Variants in C7orf78 observed in about 807,000 individuals in gnomAD.
C7orf78 encodes putative uncharacterized protein C7orf78.
chr7:12,501,032 A>C, the C7orf78 span, among the ~76,000 whole-genome samples: 25 of 151,592 alleles, frequency 1.6e-4, no homozygotes, highest in African/African-American at 4.9e-4. Flanking sequence ...ATTCAACAAC[A>C]CTTCATGCTA....
chr7:12,499,830 G>T, the C7orf78 span, among the ~76,000 whole-genome samples: 1 of 148,864 alleles, frequency 6.7e-6, no homozygotes, highest in African/African-American at 2.5e-5. Flanking sequence ...ATACTTGGAA[G>T]TAAAGCTCTC....
At chr7:12,498,294 G>A in the C7orf78 span, among the ~76,000 whole-genome samples, 2 of 151,862 alleles carry the variant, frequency 1.3e-5, no homozygotes, top group Admixed American at 1.3e-4. Context: ...CTGAGCTACG[G>A]GTGGACATTC....
At chr7:12,507,585 G>A in the C7orf78 span, 1 of 153,492 alleles carries the variant, frequency 6.5e-6, no homozygotes, top group Non-Finnish European at 1.5e-5. Context: ...ATAAGCGTAG[G>A]TTTTGATGTT....
At chr7:12,524,804 C>A in the C7orf78 span, among the ~76,000 whole-genome samples, 1 of 152,152 alleles carries the variant, frequency 6.6e-6, no homozygotes, top group Non-Finnish European at 1.5e-5. Flanking sequence ...GATCTCACCA[C>A]TGCACTCCAT....
the C7orf78 span, among the ~76,000 whole-genome samples, chr7:12,514,011 GA>G: frequency 6.6e-6 from 1 of 150,492 alleles, no homozygotes; most frequent in East Asian, 1.9e-4. Flanking sequence ...AAAGAAAAAA[GA>G]AAAAAAAAGT....
At chr7:12,494,689 T>C in the C7orf78 span, among the ~76,000 whole-genome samples, 1 of 152,192 alleles carries the variant, frequency 6.6e-6, no homozygotes, top group Non-Finnish European at 1.5e-5. Flanking sequence ...TGTTTAGAAA[T>C]ACATATTCTA....
chr7:12,521,441 A>G, the C7orf78 span, among the ~76,000 whole-genome samples: 1 of 151,876 alleles, frequency 6.6e-6, no homozygotes, highest in African/African-American at 2.4e-5. Context: ...AAATCTACCC[A>G]TTATATGACC....
chr7:12,498,066 C>T, the C7orf78 span, among the ~76,000 whole-genome samples: 1 of 151,794 alleles, frequency 6.6e-6, no homozygotes. Context: ...AGGACATCCA[C>T]ACCAAAAACC....
the C7orf78 span, among the ~76,000 whole-genome samples, chr7:12,490,028 T>A: frequency 2.0e-5 from 3 of 152,176 alleles, no homozygotes; most frequent in East Asian, 3.9e-4. Flanking sequence ...TTTAGCCTTT[T>A]TTTGAAAATA....
At chr7:12,488,912 G>GTT in the C7orf78 span, among the ~76,000 whole-genome samples, 4 of 77,018 alleles carry the variant, frequency 5.2e-5, no homozygotes, top group African/African-American at 1.6e-4. Flanking sequence ...GGGTTTGATT[G>GTT]GTTTTTTTTT....
chr7:12,514,606 A>T, the C7orf78 span, among the ~76,000 whole-genome samples: 1 of 151,856 alleles, frequency 6.6e-6, no homozygotes, highest in Non-Finnish European at 1.5e-5. Context: ...GCTGTTTTAT[A>T]TATTCTTTAC....
the C7orf78 span, among the ~76,000 whole-genome samples, chr7:12,533,719 C>T: frequency 1.3e-5 from 2 of 151,646 alleles, no homozygotes; most frequent in Admixed American, 6.6e-5. Context: ...GGTTTCACCA[C>T]GTTAGCCAGG....
chr7:12,515,408 G>A, the C7orf78 span, among the ~76,000 whole-genome samples: 1 of 152,330 alleles, frequency 6.6e-6, no homozygotes, highest in Admixed American at 6.5e-5. Context: ...ATGTGGAACT[G>A]TAAGTCCAAT....
the C7orf78 span, among the ~76,000 whole-genome samples, chr7:12,508,308 A>G: frequency 6.6e-6 from 1 of 152,186 alleles, no homozygotes; most frequent in East Asian, 1.9e-4. Flanking sequence ...TGAAAACTAA[A>G]TATGCTTATT....
the C7orf78 span, chr7:12,541,980 C>T: frequency 6.6e-6 from 1 of 152,114 alleles, no homozygotes; most frequent in African/African-American, 2.4e-5. Context: ...AAATAATTTT[C>T]TAAATTTTTG....
At chr7:12,539,230 C>T in the C7orf78 span, among the ~76,000 whole-genome samples, 1 of 152,084 alleles carries the variant, frequency 6.6e-6, no homozygotes, top group African/African-American at 2.4e-5. Context: ...TTTGGGAGGC[C>T]AAGGTGGGCG....
the C7orf78 span, chr7:12,523,317 T>G: frequency 2.5e-6 from 1 of 398,412 alleles, no homozygotes; most frequent in Non-Finnish European, 4.4e-6. Context: ...CCTAAATTTA[T>G]AACTACATTT....
chr7:12,497,627 C>T, the C7orf78 span, among the ~76,000 whole-genome samples: 2 of 152,126 alleles, frequency 1.3e-5, no homozygotes, highest in South Asian at 4.1e-4. Context: ...AGTCTGAGAT[C>T]AAACTGCAAG....
chr7:12,538,902 C>A, the C7orf78 span, among the ~76,000 whole-genome samples: 2 of 152,096 alleles, frequency 1.3e-5, no homozygotes, highest in Non-Finnish European at 2.9e-5. Context: ...ATATATGAAA[C>A]CACTCCTCTA....
Sources: gnomAD v4.1 joint callset for allele counts (sites outside exome capture counted in the v4.1 genomes callset) on GRCh38, gnomAD v4.1.1 for gene constraint, MANE v1.5 for transcripts, NCBI Gene and HGNC (gene_info 2026-07-23, HGNC 2026-07-21) for gene names.